The following KIRREL3 variants were observed in gnomAD, a reference collection of about 807,000 sequenced individuals.
KIRREL3 encodes kirre like nephrin family adhesion molecule 3.
KIRREL3 carries 36 observed loss-of-function variants against 89.7 expected under a neutral mutation model. The ratio of observed to expected loss-of-function variants is 0.40; its 90% CI spans 0.31 to 0.53. The LOEUF (loss-of-function observed/expected upper bound fraction) is 0.53, where lower values mean the gene tolerates loss of function less well. Ranked by LOEUF, KIRREL3 falls within the 20% of genes least tolerant of loss-of-function variation. The pLI, the probability that KIRREL3 is intolerant of heterozygous loss-of-function variation, is 0.49. For missense variants in KIRREL3, 864 were observed against 1,056.6 expected (o/e 0.82, Z 2.53); for synonymous variants, 445 against 441.4 (o/e 1.01, Z -0.10).
intron 1 of KIRREL3, among the ~76,000 whole-genome samples, chr11:126,884,501 G>A (rs1226919451): frequency 6.6e-6 from 1 of 152,184 alleles, no homozygotes; most frequent in East Asian, 1.9e-4. Flanking sequence ...CCAGGATGAG[G>A]GGCTATCCCT....
chr11:126,506,215 C>T (rs757911013), intron 4 of KIRREL3, among the ~76,000 whole-genome samples: 2 of 150,260 alleles, frequency 1.3e-5, no homozygotes, highest in South Asian at 2.1e-4. Flanking sequence ...TTCTTAGAGA[C>T]AATATCAAAA....
rs1944453590 is a variant in KIRREL3, at chr11:126,641,132, C to A, written c.56-78220G>T. On this transcript the variant is annotated intron_variant, in intron 1 of 16. Transcript: ENST00000525144. The surrounding 1 kb of genome is among the most constrained non-coding windows in gnomAD (Gnocchi z 5.0). ...TAAACTTGTCAGTGGCAATTTTATC[C>A]TTCCAGTTACTCAGACCAGGAAACT... 6.6e-6 allele frequency among the ~76,000 whole-genome samples: 1 copy of A among 152,146 alleles called. No individual in the cohort carries two copies. The highest frequency in any genetic ancestry group is 1.5e-5 in the Non-Finnish European group (1 of 68,022).
intron 1 of KIRREL3, among the ~76,000 whole-genome samples, chr11:126,984,372 T>C (rs563754947): frequency 1.1e-3 from 170 of 152,282 alleles, no homozygotes; most frequent in African/African-American, 4.0e-3. Flanking sequence ...TGTCACATGC[T>C]TGGAGGATGA....
chr11:126,725,686 G>A (rs1364714535), intron 1 of KIRREL3, among the ~76,000 whole-genome samples: 4 of 152,170 alleles, frequency 2.6e-5, no homozygotes, highest in Non-Finnish European at 4.4e-5. Flanking sequence ...CCCTGAGCCC[G>A]CTCTGCCCTC....
intron 2 of KIRREL3, among the ~76,000 whole-genome samples, chr11:126,534,178 C>G (rs1003806542): frequency 7.3e-5 from 11 of 150,374 alleles, no homozygotes; most frequent in African/African-American, 2.7e-4. Flanking sequence ...TGTTGGAAGC[C>G]TTGGCCAGCT....
chr11:126,821,351 A>ATATATATATATATATATATG (rs756545626), intron 1 of KIRREL3, among the ~76,000 whole-genome samples: 12 of 105,256 alleles, frequency 1.1e-4, no homozygotes, highest in African/African-American at 4.8e-4. Flanking sequence ...ATATATATAT[A>ATATATATATATATATATATG]TGTAACTTCC....
At position 126,780,117 on chromosome 11, in the gene KIRREL3, G is replaced by A. The variant is rs1366689115; in HGVS notation, c.56-217205C>T. Among the ~76,000 whole-genome samples, 4 of 152,150 alleles carry A rather than the reference G, an allele frequency of 2.6e-5. No individual in the cohort carries two copies. In the East Asian group the frequency reaches 7.7e-4, roughly 29 times the overall value. ...GAAGACACAGAAAGGGAGTAGGATA[G>A]GGGAGATGGACATGGAAGCACAGGG... On this transcript the variant is annotated intron_variant, in intron 1 of 16. Coordinates refer to ENST00000525144, the MANE Select transcript of KIRREL3 (RefSeq NM_032531.4). This position sits in a 1 kb window ranked among gnomAD's most constrained non-coding sequence, Gnocchi z 5.3.
At position 126,747,377 on chromosome 11, in the gene KIRREL3, G is replaced by A. The variant is rs187255295; in HGVS notation, c.56-184465C>T. Among the ~76,000 whole-genome samples, 7 of 152,270 alleles carry A rather than the reference G, an allele frequency of 4.6e-5. No individual in the cohort carries two copies. The East Asian group carries it at 5.8e-4, about 13-fold the overall frequency. On this transcript the variant is annotated intron_variant, in intron 1 of 16. Transcript: ENST00000525144. The surrounding 1 kb of genome is among the most constrained non-coding windows in gnomAD (Gnocchi z 4.7). ...GTCCTCCATACTGAAAGCTAGTACC[G>A]TCGTCCCATGCTCTTCCCCATTATG...
At position 126,515,928 on chromosome 11, in the gene KIRREL3, C is replaced by T. The variant is rs1958395435; in HGVS notation, c.433+5387G>A. Among the ~76,000 whole-genome samples, 1 of 152,162 alleles carries T rather than the reference C, an allele frequency of 6.6e-6. No homozygotes were observed. Among genetic ancestry groups the T allele is most frequent in the Non-Finnish European group, 1.5e-5 (1 of 68,026 alleles). On this transcript the variant is annotated intron_variant, in intron 4 of 16. Coordinates refer to ENST00000525144, the MANE Select transcript of KIRREL3 (RefSeq NM_032531.4). The surrounding 1 kb of genome is among the most constrained non-coding windows in gnomAD (Gnocchi z 4.2). ...CCCTCGAGGTCTGTTCCAGCTCTGC[C>T]TTCCTTTGCTGGCAGACTCTGAGTT...
chr11:126,735,292 G>A (rs939142196), intron 1 of KIRREL3, among the ~76,000 whole-genome samples: 1 of 152,296 alleles, frequency 6.6e-6, no homozygotes, highest in East Asian at 1.9e-4. Context: ...CACGTTTGAC[G>A]AGTACGGGAA....
chr11:126,958,425 G>C (rs1330096926), intron 1 of KIRREL3, among the ~76,000 whole-genome samples: 1 of 152,216 alleles, frequency 6.6e-6, no homozygotes, highest in Non-Finnish European at 1.5e-5. Context: ...CAGCCACATT[G>C]TGTGATGAGG....
At chr11:126,630,352 C>A (rs1943967343) in intron 1 of KIRREL3, among the ~76,000 whole-genome samples, 1 of 152,190 alleles carries the variant, frequency 6.6e-6, no homozygotes, top group African/African-American at 2.4e-5. Flanking sequence ...GGTTGAGTGA[C>A]TTACCCAGAA....
At chr11:126,956,845 G>A (rs993879303) in intron 1 of KIRREL3, among the ~76,000 whole-genome samples, 2 of 152,150 alleles carry the variant, frequency 1.3e-5, no homozygotes, top group African/African-American at 4.8e-5. Context: ...GGATCTACAA[G>A]CACTTTTTAC....
rs1397381417 is a variant in KIRREL3, at chr11:126,689,883, C to T, written c.56-126971G>A. ...AATATGGGAAGACATTTGCTATTAA[C>T]TGCAAATGGCAAGCAGCATCTTAGA... is the stretch of plus-strand genomic sequence containing the variant. On this transcript the variant is annotated intron_variant, in intron 1 of 16. Transcript: ENST00000525144. This position sits in a 1 kb window ranked among gnomAD's most constrained non-coding sequence, Gnocchi z 5.2. Among the ~76,000 whole-genome samples the T allele has an allele frequency of 6.6e-6, 1 of 152,214 alleles. No homozygotes were observed. The highest frequency in any genetic ancestry group is 6.5e-5 in the Admixed American group (1 of 15,284).
rs1198740191 is a variant in KIRREL3 at position 126,605,544 on chromosome 11, A to G, written c.56-42632T>C. Among the ~76,000 whole-genome samples, 1 of 152,232 alleles carries G rather than the reference A, an allele frequency of 6.6e-6. No homozygotes were observed. Among genetic ancestry groups the G allele is most frequent in the Non-Finnish European group, 1.5e-5 (1 of 68,040 alleles). On this transcript the variant is annotated intron_variant, in intron 1 of 16. Coordinates refer to ENST00000525144, the MANE Select transcript of KIRREL3 (RefSeq NM_032531.4). The surrounding 1 kb of genome is among the most constrained non-coding windows in gnomAD (Gnocchi z 5.7). ...CAGCCCACACTTAGCAGCTTGGCGC[A>G]CGCAAATAGGAGCTCTGCTCACAGC...
chr11:126,983,579 A>G lies in KIRREL3; in HGVS notation c.55+16876T>C, dbSNP rs1484720061. 6.6e-6 allele frequency among the ~76,000 whole-genome samples: 1 copy of G among 152,170 alleles called. No individual in the cohort carries two copies. The highest frequency in any genetic ancestry group is 1.5e-5 in the Non-Finnish European group (1 of 68,036). On this transcript the variant is annotated intron_variant, in intron 1 of 16. Transcript: ENST00000525144. The surrounding 1 kb of genome is among the most constrained non-coding windows in gnomAD (Gnocchi z 4.9). ...AGAGTCAGTAGTAGGTGAGGTGAAG[A>G]TGGAAGCAAGAGGTTGGAGTGAAGG...
intron 1 of KIRREL3, among the ~76,000 whole-genome samples, chr11:126,816,083 G>A (rs1202326115): frequency 6.6e-6 from 1 of 152,164 alleles, no homozygotes; most frequent in Non-Finnish European, 1.5e-5. Context: ...GCTAGTTCTA[G>A]TGATAATTAT....
Position 126,657,270 on chromosome 11 carries a change from A to AATC in KIRREL3, c.56-94359_56-94358insGAT, listed in dbSNP as rs1555170324. ...TAATTAAATAAATAAATAAATAAATAAATAAATAAATCTTCATGGAATCTC... is the reference window on the plus strand; with the variant it reads ...TAATTAAATAAATAAATAAATAAATAATCAATAAATAAATCTTCATGGAATCTC... On this transcript the variant is annotated intron_variant, in intron 1 of 16. Transcript: ENST00000525144. 1.6e-3 allele frequency among the ~76,000 whole-genome samples: 241 copies of AATC among 149,296 alleles called. 1 individual carries two copies. Among genetic ancestry groups the AATC allele is most frequent in the South Asian group, 3.6e-3 (17 of 4,720 alleles).
chr11:126,806,040 A>T (rs925826547), intron 1 of KIRREL3, among the ~76,000 whole-genome samples: 1 of 152,230 alleles, frequency 6.6e-6, no homozygotes, highest in Non-Finnish European at 1.5e-5. Flanking sequence ...TAAATGCCTG[A>T]ATAGTCACCA....
Sources: gnomAD v4.1 joint callset for allele counts (sites outside exome capture counted in the v4.1 genomes callset) on GRCh38, gnomAD v4.1.1 for gene constraint, Gnocchi (gnomAD v3.1) non-coding constraint, MANE v1.5 for transcripts, NCBI Gene and HGNC (gene_info 2026-07-23, HGNC 2026-07-21) for gene names.